HTR1E: variants seen among roughly 807,000 people sequenced by gnomAD.
HTR1E encodes 5-hydroxytryptamine receptor 1E.
HTR1E carries 3 observed loss-of-function variants against 3.4 expected under a neutral mutation model. That is an observed-to-expected ratio of 0.89 (90% CI 0.41 to 2.31). HTR1E has a LOEUF of 2.31. Ranked by LOEUF, HTR1E falls within the 30% of genes most tolerant of loss-of-function variation. The probability of loss-of-function intolerance (pLI) is 0.05; values close to 1 mark genes in which losing one functional copy is unlikely to be tolerated. For missense variants in HTR1E, 392 were observed against 467.0 expected, an observed-to-expected ratio of 0.84 and a Z score of 1.48; for synonymous variants, 170 against 182.8, an observed-to-expected ratio of 0.93 and a Z score of 0.56.
chr6:86,944,975 G>C (rs905237359), intron 1 of HTR1E, among the ~76,000 whole-genome samples: 1 of 151,638 alleles, frequency 6.6e-6, no homozygotes, highest in African/African-American at 2.4e-5. Context: ...TACATTTACT[G>C]TACTATACTT....
intron 1 of HTR1E, among the ~76,000 whole-genome samples, chr6:86,994,201 G>A (rs1582276373): frequency 2.0e-5 from 3 of 152,084 alleles, no homozygotes; most frequent in South Asian, 2.1e-4. Flanking sequence ...GAAAGAAGAC[G>A]GGGCTGAAAA....
intron 1 of HTR1E, among the ~76,000 whole-genome samples, chr6:86,988,528 C>T (rs948316645): frequency 6.6e-6 from 1 of 152,168 alleles, no homozygotes; most frequent in Non-Finnish European, 1.5e-5. Context: ...CTTGTGCATG[C>T]AGTGGGTTGC....
In HTR1E at chr6:87,015,542, C is replaced by A; in HGVS notation, c.208C>A (p.Leu70Met). 6.2e-7 allele frequency: 1 copy of A among 1,612,924 alleles called. No homozygotes were observed. Among genetic ancestry groups the A allele is most frequent in the Non-Finnish European group, 8.5e-7 (1 of 1,179,192 alleles). The change falls in exon 2 of 2, where the codon CTG (leucine) becomes ATG (methionine). Residue 70 changes from leucine to methionine, a missense_variant. Physicochemically the swap from Leu to Met is conservative, Grantham distance 15 (BLOSUM62 2). Transcript: ENST00000305344. ...LICSLAVTDLLVAVLVMPLSI... is the reference protein window; with the variant it reads ...LICSLAVTDLMVAVLVMPLSI... ...CTGTTCTCTGGCCGTGACGGACCTC[C>A]TGGTGGCAGTGCTCGTCATGCCCCT...
intron 1 of HTR1E, among the ~76,000 whole-genome samples, chr6:86,995,688 GAAAAA>G (rs58476122): frequency 3.6e-5 from 2 of 55,244 alleles, no homozygotes; most frequent in African/African-American, 1.0e-4. Flanking sequence ...AAAAAAAAAA[GAAAAA>G]AAAAAAAAAA....
chr6:86,939,750 G>C (rs1165791451), intron 1 of HTR1E, among the ~76,000 whole-genome samples: 2 of 152,144 alleles, frequency 1.3e-5, no homozygotes, highest in Non-Finnish European at 2.9e-5. Context: ...GTAAAATCAA[G>C]TTTTCATTCT....
intron 1 of HTR1E, among the ~76,000 whole-genome samples, chr6:86,974,365 A>G (rs1767601087): frequency 6.6e-6 from 1 of 152,204 alleles, no homozygotes; most frequent in Non-Finnish European, 1.5e-5. Flanking sequence ...TAGCAAAAGA[A>G]TCCTGTTCAG....
chr6:86,975,879 A>T (rs1471290049), intron 1 of HTR1E, among the ~76,000 whole-genome samples: 1 of 149,286 alleles, frequency 6.7e-6, no homozygotes, highest in Non-Finnish European at 1.5e-5. Flanking sequence ...TTTTTTATTA[A>T]ATCTCACCTT....
intron 1 of HTR1E, among the ~76,000 whole-genome samples, chr6:86,996,862 G>A (rs896590764): frequency 6.6e-6 from 1 of 151,718 alleles, no homozygotes; most frequent in African/African-American, 2.4e-5. Context: ...AAATAGAAAA[G>A]GAACACTTTC....
intron 1 of HTR1E, among the ~76,000 whole-genome samples, chr6:86,962,234 TA>T (rs1384883535): frequency 1.3e-5 from 2 of 151,992 alleles, no homozygotes; most frequent in African/African-American, 2.4e-5. Context: ...AAGAAGAAAA[TA>T]AAAAAACATT....
intron 1 of HTR1E, among the ~76,000 whole-genome samples, chr6:87,009,504 C>A (rs1357131696): frequency 6.6e-6 from 1 of 150,982 alleles, no homozygotes; most frequent in African/African-American, 2.5e-5. Context: ...TCAATCTTTT[C>A]CCCACCTTTC....
At chr6:87,014,304 C>A (rs1768283885) in intron 1 of HTR1E, among the ~76,000 whole-genome samples, 1 of 150,476 alleles carries the variant, frequency 6.6e-6, no homozygotes, top group Non-Finnish European at 1.5e-5. Flanking sequence ...AGGCAGGAAG[C>A]AACAGATGCT....
In HTR1E at chr6:86,996,409, G is replaced by A. The variant is rs1767940121; in HGVS notation, c.-185-18741G>A. 1.3e-5 allele frequency among the ~76,000 whole-genome samples: 2 copies of A among 152,046 alleles called. 1 individual carries two copies. The highest frequency in any genetic ancestry group is 4.2e-4 in the South Asian group (2 of 4,818). On this transcript the variant is annotated intron_variant, in intron 1 of 1. Coordinates refer to ENST00000305344, the MANE Select transcript of HTR1E (RefSeq NM_000865.3). ...TCTTTAAATACTTTAAATTTTTATA[G>A]AGAAAATCAATGAAAGGTTGTTTTT...
chr6:86,975,947 A>ACACT (rs984062327), intron 1 of HTR1E, among the ~76,000 whole-genome samples: 8 of 139,784 alleles, frequency 5.7e-5, no homozygotes, highest in Admixed American at 2.1e-4. Context: ...ACACACACAC[A>ACACT]CTCTCTCTCT....
chr6:86,951,700 T>C (rs1289121640), intron 1 of HTR1E, among the ~76,000 whole-genome samples: 1 of 152,200 alleles, frequency 6.6e-6, no homozygotes. Flanking sequence ...TACAGATTTA[T>C]GAAGGATATA....
intron 1 of HTR1E, among the ~76,000 whole-genome samples, chr6:86,955,883 C>T (rs953343032): frequency 4.6e-5 from 7 of 151,830 alleles, no homozygotes; most frequent in African/African-American, 1.5e-4. Context: ...AAATAAAATT[C>T]TAAGACCCCC....
At chr6:86,939,072 G>A (rs918427100) in intron 1 of HTR1E, among the ~76,000 whole-genome samples, 3 of 152,174 alleles carry the variant, frequency 2.0e-5, no homozygotes, top group African/African-American at 7.2e-5. Context: ...AGAGAAGATT[G>A]AGACAGCTTT....
chr6:86,980,044 AG>A (rs1315153855), intron 1 of HTR1E, among the ~76,000 whole-genome samples: 5 of 152,158 alleles, frequency 3.3e-5, no homozygotes, highest in South Asian at 2.1e-4. Flanking sequence ...ACAAGAGCTG[AG>A]GGGGTGGAAG....
At chr6:86,941,599 T>A (rs1768546913) in intron 1 of HTR1E, among the ~76,000 whole-genome samples, 1 of 152,204 alleles carries the variant, frequency 6.6e-6, no homozygotes, top group African/African-American at 2.4e-5. Flanking sequence ...CTATGAAACC[T>A]AATCCTTCTG....
At chr6:86,986,243 G>A (rs1487141923) in intron 1 of HTR1E, among the ~76,000 whole-genome samples, 3 of 152,058 alleles carry the variant, frequency 2.0e-5, no homozygotes, top group Non-Finnish European at 4.4e-5. Context: ...TACTATATAT[G>A]CTTTTTTTCA....
Sources: gnomAD v4.1 joint callset for allele counts (sites outside exome capture counted in the v4.1 genomes callset) on GRCh38, gnomAD v4.1.1 for gene constraint, MANE v1.5 for transcripts, NCBI Gene and HGNC (gene_info 2026-07-23, HGNC 2026-07-21) for gene names.